WDR25: variants seen among roughly 807,000 people sequenced by gnomAD.
The protein encoded by WDR25 is WD repeat domain 25, also known as WD repeat-containing protein 25.
WDR25 carries 35 observed loss-of-function variants against 47.7 expected under a neutral mutation model. The observed-to-expected ratio is 0.73, with a 90% CI of 0.56 to 0.97. The LOEUF (loss-of-function observed/expected upper bound fraction) is 0.97, where lower values mean the gene tolerates loss of function less well. WDR25 is among the 50% of genes least tolerant of loss of function. The pLI is 0.00. For synonymous variants in WDR25, 248 were observed against 278.9 expected, an observed-to-expected ratio of 0.89 and a Z score of 1.10; for missense variants, 634 against 704.7, an observed-to-expected ratio of 0.90 and a Z score of 1.14.
chr14:100,403,187 G>T (rs1441712085), intron 2 of WDR25, among the ~76,000 whole-genome samples: 1 of 152,136 alleles, frequency 6.6e-6, no homozygotes, highest in East Asian at 1.9e-4. Context: ...ATACAAATTG[G>T]TATTTGATGT....
chr14:100,408,821 T>C (rs1897623584), intron 2 of WDR25, among the ~76,000 whole-genome samples: 1 of 152,228 alleles, frequency 6.6e-6, no homozygotes, highest in Admixed American at 6.5e-5. Context: ...TGAATTATTT[T>C]CCCTTTAGTA....
chr14:100,504,183 CTG>C (rs957926109), intron 4 of WDR25, among the ~76,000 whole-genome samples: 11 of 152,160 alleles, frequency 7.2e-5, no homozygotes, highest in Non-Finnish European at 1.6e-4. Context: ...GCTTAAAAAA[CTG>C]TTATCCCATC....
At chr14:100,466,023 C>T (rs1899616945) in intron 2 of WDR25, among the ~76,000 whole-genome samples, 4 of 152,272 alleles carry the variant, frequency 2.6e-5, no homozygotes, top group Admixed American at 1.3e-4. Context: ...CTGTAGATCT[C>T]GTTTATTTTA....
Position 100,529,965 on chromosome 14 carries a change from G to A in WDR25, c.1559G>A (p.Gly520Asp), listed in dbSNP as rs774745695. 21 of 1,613,462 alleles carry A rather than the reference G, an allele frequency of 1.3e-5. No homozygotes were observed. The highest frequency in any genetic ancestry group is 1.6e-4 in the Middle Eastern group (1 of 6,062). The change falls in exon 7 of 7, where the codon GGC (glycine) becomes GAC (aspartate). Residue 520 changes from glycine (G) to aspartate (D), a missense_variant. Gly to Asp is a moderately conservative substitution (Grantham distance 94). Transcript: ENST00000402312. This position sits in a 1 kb window ranked among gnomAD's most constrained non-coding sequence, Gnocchi z 5.1. ...TLQGHTQACVGTTYHPVLPSV... is the reference protein window; with the variant it reads ...TLQGHTQACVDTTYHPVLPSV... Reference sequence around the variant, plus strand: ...CAGGGGCACACACAGGCCTGTGTCGGCACCACCTATCACCCCGTGCTGCCC... The same window carrying A: ...CAGGGGCACACACAGGCCTGTGTCGACACCACCTATCACCCCGTGCTGCCC...
chr14:100,517,314 T>TGATC (rs1457156609), intron 4 of WDR25, among the ~76,000 whole-genome samples: 1 of 151,854 alleles, frequency 6.6e-6, no homozygotes, highest in East Asian at 1.9e-4. Flanking sequence ...CTTGACCTCA[T>TGATC]GATCCACCCG....
rs1051677543 is a variant in WDR25 at position 100,424,165 on chromosome 14, G to C, written c.822+42419G>C. Among the ~76,000 whole-genome samples, 2 of 152,204 alleles carry C rather than the reference G, an allele frequency of 1.3e-5. No individual in the cohort carries two copies. Among genetic ancestry groups the C allele is most frequent in the African/African-American group, 4.8e-5 (2 of 41,450 alleles). The stretch of plus-strand genomic sequence containing the variant: ...AGGGGAGGAAGGCACCACGGGCGAG[G>C]CCTCCCAGGCTGGCTGGGTGAGTGT... On this transcript the variant is annotated intron_variant, in intron 2 of 6. Transcript: ENST00000402312. The surrounding 1 kb of genome is among the most constrained non-coding windows in gnomAD (Gnocchi z 4.2).
chr14:100,523,379 C>G lies in WDR25; in HGVS notation c.1102-2491C>G, dbSNP rs2029954680. Among the ~76,000 whole-genome samples, 1 of 152,172 alleles carries G rather than the reference C, an allele frequency of 6.6e-6. No individual in the cohort carries two copies. The highest frequency in any genetic ancestry group is 2.1e-4 in the South Asian group (1 of 4,822). On this transcript the variant is annotated intron_variant, in intron 4 of 6. Transcript: ENST00000402312. This position sits in a 1 kb window ranked among gnomAD's most constrained non-coding sequence, Gnocchi z 4.7. The stretch of plus-strand genomic sequence containing the variant: ...GCCCAGAGCAGTGCCTCCCCACCCC[C>G]TGTCCTTCAGGTCTGGGTGCAGAGG...
intron 2 of WDR25, among the ~76,000 whole-genome samples, chr14:100,464,659 C>T: frequency 1.3e-5 from 2 of 149,602 alleles, no homozygotes; most frequent in South Asian, 2.2e-4. Context: ...TCATCTCCCC[C>T]ACCCCATCTC....
chr14:100,442,009 G>A (rs1566911358), intron 2 of WDR25, among the ~76,000 whole-genome samples: 4 of 152,222 alleles, frequency 2.6e-5, no homozygotes, highest in Admixed American at 1.3e-4. Flanking sequence ...ACACCAGGCT[G>A]TTGCTCCCAA....
At chr14:100,524,294 T>C (rs1319330652) in intron 4 of WDR25, among the ~76,000 whole-genome samples, 1 of 151,374 alleles carries the variant, frequency 6.6e-6, no homozygotes, top group African/African-American at 2.4e-5. Context: ...ATAACTTATG[T>C]GAACCCCCCA....
At chr14:100,416,568 T>G (rs1212598433) in intron 2 of WDR25, among the ~76,000 whole-genome samples, 2 of 152,196 alleles carry the variant, frequency 1.3e-5, no homozygotes, top group African/African-American at 4.8e-5. Context: ...CCTTCCTTCT[T>G]TTCAGGCAAA....
chr14:100,425,865 G>A lies in WDR25; in HGVS notation c.823-42156G>A, dbSNP rs1023356127. Among the ~76,000 whole-genome samples, 1 of 152,172 alleles carries A rather than the reference G, an allele frequency of 6.6e-6. No individual in the cohort carries two copies. Among genetic ancestry groups the A allele is most frequent in the Non-Finnish European group, 1.5e-5 (1 of 68,040 alleles). ...AGATATGCAGCCAGGGAAATCACCT[G>A]GGGCAAGCTGACCCTCAACATGAGG... On this transcript the variant is annotated intron_variant, in intron 2 of 6. Transcript: ENST00000402312. This position sits in a 1 kb window ranked among gnomAD's most constrained non-coding sequence, Gnocchi z 4.8.
In WDR25 at chr14:100,499,859, AG is replaced by A. The variant is rs1445522197; in HGVS notation, c.1101+15739del. 4.6e-5 allele frequency among the ~76,000 whole-genome samples: 7 copies of A among 152,262 alleles called. No individual in the cohort carries two copies. The highest frequency in any genetic ancestry group is 1.7e-4 in the African/African-American group (7 of 41,552). ...CCCAGCCAAGCACCTCAGAACTCAA[AG>A]GGGTGGCCAGGATTCACTGCACACC... On this transcript the variant is annotated intron_variant, in intron 4 of 6. Transcript: ENST00000402312. The surrounding 1 kb of genome is among the most constrained non-coding windows in gnomAD (Gnocchi z 4.4).
rs536612232 is a variant in WDR25, at chr14:100,415,941, G to GTGTCCTCCCTGCTCTGCCGC, written c.822+34202_822+34221dup. ...TTGCCAAGCACGATTGGCACAGCTGGTGTCCTCCCTGCTCTGCCGCTGTCC... is the reference window on the plus strand; with the variant it reads ...TTGCCAAGCACGATTGGCACAGCTGGTGTCCTCCCTGCTCTGCCGCTGTCCTCCCTGCTCTGCCGCTGTCC... On this transcript the variant is annotated intron_variant, in intron 2 of 6. Transcript: ENST00000402312. Among the ~76,000 whole-genome samples, 51 of 152,324 alleles carry GTGTCCTCCCTGCTCTGCCGC rather than the reference G, an allele frequency of 3.3e-4. No individual in the cohort carries two copies. The East Asian group carries it at 7.7e-3, about 23-fold the overall frequency.
intron 3 of WDR25, among the ~76,000 whole-genome samples, chr14:100,471,834 C>T (rs1217934711): frequency 1.3e-5 from 2 of 152,222 alleles, no homozygotes; most frequent in East Asian, 3.9e-4. Flanking sequence ...TATAGAACAA[C>T]CATGAATCAA....
At chr14:100,418,499 G>A (rs1897934114) in intron 2 of WDR25, among the ~76,000 whole-genome samples, 1 of 151,916 alleles carries the variant, frequency 6.6e-6, no homozygotes, top group Non-Finnish European at 1.5e-5. Flanking sequence ...GGGCGTGGTG[G>A]TGCACACCTG....
intron 4 of WDR25, among the ~76,000 whole-genome samples, chr14:100,510,269 CAAA>C (rs35103618): frequency 2.1e-5 from 3 of 142,638 alleles, no homozygotes; most frequent in African/African-American, 2.6e-5. Flanking sequence ...GACTCCATGT[CAAA>C]AAAAAAAAAA....
rs904384983 is a variant in WDR25 at position 100,502,495 on chromosome 14, TG to T, written c.1101+18376del. Among the ~76,000 whole-genome samples the T allele has an allele frequency of 4.6e-5, 7 of 152,180 alleles. No homozygotes were observed. Among genetic ancestry groups the T allele is most frequent in the Admixed American group, 1.3e-4 (2 of 15,280 alleles). On this transcript the variant is annotated intron_variant, in intron 4 of 6. Coordinates refer to ENST00000402312, the MANE Select transcript of WDR25 (RefSeq NM_001161476.3). This position sits in a 1 kb window ranked among gnomAD's most constrained non-coding sequence, Gnocchi z 4.5. ...CTCCCTCTCCTGGAGCTGGGGGAGCTGGGGGACCCAAGACACTCACAGGCTG... is the reference window on the plus strand; with the variant it reads ...CTCCCTCTCCTGGAGCTGGGGGAGCTGGGGACCCAAGACACTCACAGGCTG...
chr14:100,398,577 A>G (rs1481222151), intron 2 of WDR25, among the ~76,000 whole-genome samples: 1 of 151,904 alleles, frequency 6.6e-6, no homozygotes, highest in South Asian at 2.1e-4. Context: ...TTCGAATGGT[A>G]ACATCTTGCA....
Sources: gnomAD v4.1 joint callset for allele counts (sites outside exome capture counted in the v4.1 genomes callset) on GRCh38, gnomAD v4.1.1 for gene constraint, Gnocchi (gnomAD v3.1) non-coding constraint, MANE v1.5 for transcripts, NCBI Gene and HGNC (gene_info 2026-07-23, HGNC 2026-07-21) for gene names.